COLEC10: variants seen among roughly 807,000 people sequenced by gnomAD.
COLEC10 encodes the protein collectin-10.
A neutral mutation model predicts 28.4 loss-of-function variants in COLEC10; 22 were observed. The ratio of observed to expected loss-of-function variants is 0.78; its 90% confidence interval spans 0.55 to 1.11. The LOEUF (loss-of-function observed/expected upper bound fraction) is 1.11, where lower values mean the gene tolerates loss of function less well. Among genes scored for constraint, COLEC10 ranks in the 50% least tolerant of loss-of-function variants. The probability of loss-of-function intolerance (pLI) is 0.00; values close to 1 mark genes in which losing one functional copy is unlikely to be tolerated. For missense variants in COLEC10, 361 were observed against 344.1 expected (o/e 1.05, Z -0.39); for synonymous variants, 125 against 116.1 (o/e 1.08, Z -0.49).
chr8:119,069,632 ATATATATATATATAT>A (rs1815060111), intron 1 of COLEC10, among the ~76,000 whole-genome samples: 25 of 50,716 alleles, frequency 4.9e-4, no homozygotes, highest in Non-Finnish European at 7.1e-4. Context: ...AAAAAAAAAT[ATATATATATATATAT>A]ATATATATAT....
At position 119,106,067 on chromosome 8, in the gene COLEC10, G is replaced by A. The variant is rs1340217222; in HGVS notation, c.710G>A (p.Gly237Glu). The A allele has an allele frequency of 8.7e-6, 14 of 1,613,760 alleles. No homozygotes were observed. The highest frequency in any genetic ancestry group is 2.7e-5 in the African/African-American group (2 of 74,890). Residue 237 changes from glycine to glutamate, a missense_variant, in exon 6 of 6, where the codon GGG becomes GAG. Physicochemically the swap from Gly to Glu is moderately conservative, Grantham distance 98. Transcript: ENST00000332843. ...CAGAACTATAGCAACTGGAATGAGG[G>A]GGAACCCAGCGACCCCTATGGTCAT... ...PLQNYSNWNE[G>E]EPSDPYGHED... is the part of the protein sequence containing the mutation.
intron 1 of COLEC10, among the ~76,000 whole-genome samples, chr8:119,069,993 A>C (rs1434542874): frequency 6.6e-6 from 1 of 152,146 alleles, no homozygotes; most frequent in African/African-American, 2.4e-5. Flanking sequence ...AACTAAATGA[A>C]TTATTTAGAA....
At chr8:119,052,606 T>G (rs989534782) in intron 2 of COLEC10, among the ~76,000 whole-genome samples, 4 of 152,048 alleles carry the variant, frequency 2.6e-5, no homozygotes, top group Non-Finnish European at 5.9e-5. Flanking sequence ...CACAGAAGAA[T>G]GAGATCCTCA....
At chr8:118,962,488 T>G in the COLEC10 span, among the ~76,000 whole-genome samples, 4 of 152,352 alleles carry the variant, frequency 2.6e-5, no homozygotes, top group Admixed American at 2.6e-4. Flanking sequence ...ATATGTAAGC[T>G]GTTCAATTTG....
chr8:119,076,051 C>T (rs1348330118), intron 1 of COLEC10, among the ~76,000 whole-genome samples: 1 of 148,224 alleles, frequency 6.7e-6, no homozygotes. Context: ...CAGGCACCCA[C>T]CACCACGCCC....
Position 119,013,250 on chromosome 8 carries a change from G to A in COLEC10, n.235+3697G>A, listed in dbSNP as rs529496195. Among the ~76,000 whole-genome samples, 10 of 150,304 alleles carry A rather than the reference G, an allele frequency of 6.7e-5. No homozygotes were observed. The South Asian group carries it at 1.3e-3, about 19-fold the overall frequency. ...ATGTTATTTAGAAGTGCGTTGTTTA[G>A]TCTCCATATATTTTGGATTTTTTTC... is the stretch of plus-strand genomic sequence containing the variant. On this transcript the variant is annotated intron_variant and non_coding_transcript_variant, in intron 2 of 6. Coordinates refer to the COLEC10 transcript ENST00000521788.
the COLEC10 span, among the ~76,000 whole-genome samples, chr8:118,974,485 A>C: frequency 6.6e-6 from 1 of 151,956 alleles, no homozygotes; most frequent in East Asian, 1.9e-4. Context: ...CTTCAAGGAC[A>C]TTCAGTTACC....
chr8:119,034,441 G>T (rs1216012049), intron 2 of COLEC10, among the ~76,000 whole-genome samples: 2 of 151,486 alleles, frequency 1.3e-5, no homozygotes, highest in South Asian at 2.1e-4. Context: ...GGCCAGGTGC[G>T]GTGGCTCACG....
the COLEC10 span, among the ~76,000 whole-genome samples, chr8:118,963,475 G>T: frequency 6.6e-6 from 1 of 152,094 alleles, no homozygotes; most frequent in African/African-American, 2.4e-5. Flanking sequence ...GAGCTCTCTC[G>T]ACACAACCTG....
the COLEC10 span, among the ~76,000 whole-genome samples, chr8:118,977,749 T>C: frequency 3.4e-5 from 5 of 148,502 alleles, no homozygotes; most frequent in Admixed American, 6.7e-5. Context: ...AGTATAATAA[T>C]AATAAATAAA....
At chr8:119,090,044 C>T (rs564049354) in intron 2 of COLEC10, among the ~76,000 whole-genome samples, 6 of 152,262 alleles carry the variant, frequency 3.9e-5, no homozygotes, top group African/African-American at 1.4e-4. Flanking sequence ...TGTTATAGTG[C>T]TGTGTTCATA....
chr8:119,041,181 C>A (rs148744167), intron 2 of COLEC10, among the ~76,000 whole-genome samples: 1 of 152,126 alleles, frequency 6.6e-6, no homozygotes, highest in Non-Finnish European at 1.5e-5. Context: ...AACCTAGCTT[C>A]GCCTCCTCCA....
intron 1 of COLEC10, among the ~76,000 whole-genome samples, chr8:119,000,824 G>GT (rs1475870983): frequency 1.3e-5 from 2 of 152,276 alleles, no homozygotes; most frequent in East Asian, 3.9e-4. Context: ...AGAGGCCAAG[G>GT]TAATTGATAG....
At chr8:119,060,583 G>A (rs1176943607) in intron 2 of COLEC10, among the ~76,000 whole-genome samples, 5 of 152,106 alleles carry the variant, frequency 3.3e-5, no homozygotes, top group African/African-American at 4.8e-5. Flanking sequence ...CTAAAAGAAA[G>A]TAAGAACAGT....
intron 2 of COLEC10, among the ~76,000 whole-genome samples, chr8:119,016,303 T>G (rs1251628617): frequency 2.0e-5 from 3 of 152,168 alleles, no homozygotes; most frequent in African/African-American, 7.2e-5. Flanking sequence ...CCTGTGTTAG[T>G]TGGCTAGAAT....
At chr8:119,043,639 G>A (rs754577166) in intron 2 of COLEC10, among the ~76,000 whole-genome samples, 170 of 152,098 alleles carry the variant, frequency 1.1e-3, no homozygotes, top group African/African-American at 3.3e-3. Context: ...GTACATTCCC[G>A]ACTTAAAATG....
intron 2 of COLEC10, among the ~76,000 whole-genome samples, chr8:119,030,313 A>G (rs12056514): frequency 0.044 from 6,690 of 152,286 alleles, 215 homozygotes; most frequent in East Asian, 0.16. Flanking sequence ...ATATTTCAAT[A>G]TTTGTAATAT....
At chr8:119,102,889 A>G (rs1287824147) in intron 4 of COLEC10, among the ~76,000 whole-genome samples, 3 of 152,198 alleles carry the variant, frequency 2.0e-5, no homozygotes, top group African/African-American at 7.2e-5. Context: ...AGGGAAAGAA[A>G]GTAGATTGTA....
In COLEC10 at chr8:119,067,348, A is replaced by G. The variant is rs1029075812; in HGVS notation, c.67A>G (p.Ile23Val). Residue 23 changes from isoleucine (I) to valine (V), a missense_variant, in exon 1 of 6, where the codon ATT becomes GTT. Transcript: ENST00000332843. The part of the protein sequence containing the change: ...FILLVLFLLQ[I>V]QSLGLDIDSR... ...CCTCCTGGTACTATTTCTTTTGCAA[A>G]TTCAGAGTCTGGGTCTGGATATTGA... The G allele has an allele frequency of 7.4e-6, 12 of 1,613,960 alleles. No individual in the cohort carries two copies. The Admixed American group carries it at 8.3e-5, about 11-fold the overall frequency.
Sources: allele counts gnomAD v4.1 joint callset (sites outside exome capture counted in the v4.1 genomes callset), GRCh38; gene constraint gnomAD v4.1.1; transcripts MANE v1.5; gene names NCBI Gene and HGNC (gene_info 2026-07-23, HGNC 2026-07-21).